Variants in AGBL3 observed in about 807,000 individuals in gnomAD.
AGBL3 encodes cytosolic carboxypeptidase 3.
AGBL3 carries 68 observed loss-of-function variants against 94.5 expected under a neutral mutation model. The ratio of observed to expected loss-of-function variants is 0.72; its 90% CI spans 0.59 to 0.88. The LOEUF (loss-of-function observed/expected upper bound fraction) is 0.88, where lower values mean the gene tolerates loss of function less well. Among genes scored for constraint, AGBL3 ranks in the 40% least tolerant of loss-of-function variants. The pLI is 0.00. For synonymous variants in AGBL3, 354 were observed against 370.7 expected, an observed-to-expected ratio of 0.95 and a Z score of 0.52; for missense variants, 934 against 1,103.8, an observed-to-expected ratio of 0.85 and a Z score of 2.18.
At chr7:135,128,548 G>A in intron 16 of AGBL3, 1 of 767,496 alleles carries the variant, frequency 1.3e-6, no homozygotes. Context: ...GAGAAACCAG[G>A]ATCTATTTGG....
chr7:135,006,517 C>T (rs1812405888), intron 4 of AGBL3, among the ~76,000 whole-genome samples: 1 of 151,932 alleles, frequency 6.6e-6, no homozygotes, highest in Admixed American at 6.6e-5. Flanking sequence ...GTTCATATAA[C>T]AGTGGACTAA....
At chr7:135,015,293 C>T (rs1290530882) in intron 4 of AGBL3, among the ~76,000 whole-genome samples, 5 of 152,098 alleles carry the variant, frequency 3.3e-5, no homozygotes, top group Non-Finnish European at 5.9e-5. Flanking sequence ...AGACATAAAA[C>T]GTTTATGCAG....
intron 4 of AGBL3, among the ~76,000 whole-genome samples, chr7:135,016,775 T>C (rs1813858147): frequency 6.6e-6 from 1 of 152,088 alleles, no homozygotes; most frequent in Non-Finnish European, 1.5e-5. Flanking sequence ...AGAAAGAGAA[T>C]TGTGTTATAA....
intron 15 of AGBL3, 126 bp downstream of exon 15, chr7:135,081,916 AT>A: frequency 3.4e-6 from 2 of 588,384 alleles, no homozygotes; most frequent in Non-Finnish European, 2.7e-6. Flanking sequence ...TTTGCTTTTA[AT>A]TTTACCCAGT....
At chr7:135,108,286 C>T (rs1200996648) in intron 15 of AGBL3, among the ~76,000 whole-genome samples, 3 of 152,030 alleles carry the variant, frequency 2.0e-5, no homozygotes, top group Non-Finnish European at 4.4e-5. Context: ...TGCTGGCTGG[C>T]TTGTGTGATT....
intron 4 of AGBL3, among the ~76,000 whole-genome samples, chr7:135,004,222 T>A (rs2133425695): frequency 6.6e-6 from 1 of 151,858 alleles, no homozygotes; most frequent in African/African-American, 2.4e-5. Context: ...TTTGACCTAT[T>A]ATGTTGGTGA....
intron 15 of AGBL3, among the ~76,000 whole-genome samples, chr7:135,092,173 C>A (rs1316437715): frequency 7.8e-6 from 1 of 128,588 alleles, no homozygotes; most frequent in East Asian, 2.0e-4. Flanking sequence ...TCATCTCTTC[C>A]AATATTTATT....
chr7:135,017,402 T>C (rs1207313080), intron 5 of AGBL3, among the ~76,000 whole-genome samples: 2 of 152,150 alleles, frequency 1.3e-5, no homozygotes, highest in Admixed American at 1.3e-4. Flanking sequence ...GAATGAAGAG[T>C]TATATTTAGA....
At chr7:135,111,713 T>C (rs1041708132) in intron 15 of AGBL3, among the ~76,000 whole-genome samples, 5 of 152,204 alleles carry the variant, frequency 3.3e-5, no homozygotes, top group African/African-American at 1.2e-4. Context: ...TTGAAATATG[T>C]GAAGAGGAGC....
At chr7:135,064,240 G>A (rs1294762176) in intron 12 of AGBL3, among the ~76,000 whole-genome samples, 1 of 152,184 alleles carries the variant, frequency 6.6e-6, no homozygotes, top group African/African-American at 2.4e-5. Context: ...GAGCATATCT[G>A]TCATTTTCTA....
At chr7:135,040,227 C>T (rs1018468603) in intron 8 of AGBL3, among the ~76,000 whole-genome samples, 6 of 152,096 alleles carry the variant, frequency 3.9e-5, no homozygotes, top group Admixed American at 2.0e-4. Context: ...TATCAAGATC[C>T]AGTTGGATTC....
Position 135,096,840 on chromosome 7 carries a change from C to A in AGBL3, c.2110+15050C>A, listed in dbSNP as rs192029331. The stretch of plus-strand genomic sequence containing the variant: ...ACATGGCTATTCTTTTAATGACTGG[C>A]GGAAGAACATATACAACTAGGAAGA... On this transcript the variant is annotated intron_variant, in intron 15 of 16. Transcript: ENST00000436302. Among the ~76,000 whole-genome samples the A allele has an allele frequency of 6.3e-3, 955 of 151,626 alleles. 7 individuals carry two copies. The highest frequency in any genetic ancestry group is 0.017 in the Admixed American group (253 of 15,238).
chr7:135,031,253 T>TTTTA (rs759016113), intron 5 of AGBL3, among the ~76,000 whole-genome samples: 25 of 152,062 alleles, frequency 1.6e-4, no homozygotes, highest in East Asian at 5.8e-4. Flanking sequence ...TATTATATTC[T>TTTTA]TTTATTTATT....
intron 8 of AGBL3, among the ~76,000 whole-genome samples, chr7:135,042,373 T>C (rs1246636934): frequency 6.6e-6 from 1 of 152,192 alleles, no homozygotes; most frequent in African/African-American, 2.4e-5. Context: ...TGCAACAACT[T>C]GGATAAATCT....
chr7:135,037,454 T>C lies in AGBL3; in HGVS notation c.1374T>C (p.Asp458=), dbSNP rs767532815. Residue 458 remains aspartate, a synonymous_variant, in exon 8 of 17, where the codon GAT becomes GAC. Transcript: ENST00000436302. Reference sequence around the variant, plus strand: ...AACGAGAGGTTATTTTATACTGTGATCTTCATGGCCATAGTAGGAAAGAGA... The same window carrying C: ...AACGAGAGGTTATTTTATACTGTGACCTTCATGGCCATAGTAGGAAAGAGA... ...MEKREVILYC[D]LHGHSRKENI... is the part of the protein sequence containing the mutation. 1 of 1,549,520 alleles carries C rather than the reference T, an allele frequency of 6.5e-7. No individual in the cohort carries two copies. The highest frequency in any genetic ancestry group is 8.7e-7 in the Non-Finnish European group (1 of 1,145,964).
At chr7:135,000,765 G>A (rs1171866010) in intron 4 of AGBL3, among the ~76,000 whole-genome samples, 1 of 152,142 alleles carries the variant, frequency 6.6e-6, no homozygotes, top group Admixed American at 6.5e-5. Flanking sequence ...ATATCTTACA[G>A]CTGCATCCGA....
At position 135,107,976 on chromosome 7, in the gene AGBL3, CTT is replaced by C. The variant is rs549582591; in HGVS notation, c.2111-7395_2111-7394del. Among the ~76,000 whole-genome samples, 193 of 149,476 alleles carry C rather than the reference CTT, an allele frequency of 1.3e-3. 3 individuals carry two copies. The highest frequency in any genetic ancestry group is 4.7e-3 in the African/African-American group (191 of 40,738). On this transcript the variant is annotated intron_variant, in intron 15 of 16. Coordinates refer to ENST00000436302, the MANE Select transcript of AGBL3 (RefSeq NM_178563.4). ...GATTACCATTATGTAATGTCTTTAT[CTT>C]TTTTTTTTATCTTTGTTGATTTAAA...
At position 134,989,326 on chromosome 7, in the gene AGBL3, T is replaced by C. The variant is rs768347576; in HGVS notation, c.124+16T>C. ...CTTTTAACAGGTTTGAACCTATTCA[T>C]ATAGTTTTTGTTTAGCATAAAACTT... is the stretch of plus-strand genomic sequence containing the variant. On this transcript the variant is annotated intron_variant, in intron 3 of 16. Transcript: ENST00000436302. 8 of 1,518,582 alleles carry C rather than the reference T, an allele frequency of 5.3e-6. No homozygotes were observed. In the South Asian group the frequency reaches 9.1e-5, roughly 17 times the overall value. 94.1% of individuals were successfully genotyped at this position (1,518,582 alleles called of 1,614,324 possible). A position where few individuals can be genotyped will look rare whatever the true frequency, so the allele number is the denominator to read the frequency against.
intron 4 of AGBL3, among the ~76,000 whole-genome samples, chr7:135,009,179 C>T (rs568667192): frequency 6.6e-6 from 1 of 152,234 alleles, no homozygotes; most frequent in South Asian, 2.1e-4. Flanking sequence ...TACATACAAA[C>T]GTTAACGGCA....
Sources: allele counts gnomAD v4.1 joint callset (sites outside exome capture counted in the v4.1 genomes callset), GRCh38; gene constraint gnomAD v4.1.1; transcripts MANE v1.5; gene names NCBI Gene and HGNC (gene_info 2026-07-23, HGNC 2026-07-21).